EYS: variants seen among roughly 807,000 people sequenced by gnomAD.
EYS encodes the protein EGF-like photoreceptor maintenance factor.
In EYS, 250 loss-of-function variants were observed where a neutral mutation model predicts 282.1. That is an observed-to-expected ratio of 0.89 (90% CI 0.80 to 0.98). The LOEUF is 0.98. Among genes scored for constraint, EYS ranks in the 50% least tolerant of loss-of-function variants. The pLI is 0.00. For missense variants in EYS, 4,016 were observed against 3,709.0 expected (o/e 1.08, Z -2.15); for synonymous variants, 1,355 against 1,282.9 (o/e 1.06, Z -1.20).
chr6:65,170,212 A>G (rs749603935), intron 12 of EYS, among the ~76,000 whole-genome samples: 3 of 151,336 alleles, frequency 2.0e-5, no homozygotes, highest in Non-Finnish European at 4.4e-5. Context: ...ACAGATGCAC[A>G]CACGCGCGCG....
intron 2 of EYS, among the ~76,000 whole-genome samples, chr6:65,522,110 A>T (rs1220692920): frequency 6.6e-6 from 1 of 152,188 alleles, no homozygotes; most frequent in Non-Finnish European, 1.5e-5. Flanking sequence ...AAAAATATTT[A>T]GTATTTCTAA....
At chr6:65,044,296 TCATATG>T (rs1399176025) in intron 13 of EYS, among the ~76,000 whole-genome samples, 1 of 151,838 alleles carries the variant, frequency 6.6e-6, no homozygotes, top group African/African-American at 2.4e-5. Context: ...TAATTCCTTA[TCATATG>T]TACGGTTTGA....
intron 1 of EYS, among the ~76,000 whole-genome samples, chr6:65,674,532 C>G (rs1005973779): frequency 1.0e-4 from 14 of 139,100 alleles, no homozygotes; most frequent in African/African-American, 3.2e-4. Context: ...AAAACTAACA[C>G]AGGATTCCTC....
At chr6:64,016,023 T>C (rs1276804159) in intron 33 of EYS, among the ~76,000 whole-genome samples, 2 of 152,158 alleles carry the variant, frequency 1.3e-5, no homozygotes, top group East Asian at 3.8e-4. Context: ...TTTCTCCCAT[T>C]TTTGGCTTTT....
At chr6:64,902,361 G>T in intron 17 of EYS, 43 bp downstream of exon 17, 1 of 1,379,312 alleles carries the variant, frequency 7.2e-7, no homozygotes, top group Non-Finnish European at 1.0e-6. Flanking sequence ...TATACATCTA[G>T]ACACATAAAC....
intron 36 of EYS, among the ~76,000 whole-genome samples, chr6:63,824,089 A>G (rs745631152): frequency 5.3e-5 from 8 of 152,258 alleles, no homozygotes; most frequent in Non-Finnish European, 1.0e-4. Context: ...ATAAAGGAAG[A>G]TAGCATCCCA....
At chr6:64,078,904 T>C (rs1378559404) in intron 32 of EYS, among the ~76,000 whole-genome samples, 2 of 152,074 alleles carry the variant, frequency 1.3e-5, no homozygotes, top group Admixed American at 6.6e-5. Flanking sequence ...AGTGTTGGTA[T>C]GGACATGAGC....
chr6:64,506,779 A>G (rs1562031256), intron 26 of EYS, among the ~76,000 whole-genome samples: 1 of 151,802 alleles, frequency 6.6e-6, no homozygotes, highest in African/African-American at 2.4e-5. Context: ...TGTGGTGGCA[A>G]GCGGCTGTAG....
chr6:64,271,938 C>T (rs761526960), intron 30 of EYS, among the ~76,000 whole-genome samples: 3 of 152,150 alleles, frequency 2.0e-5, no homozygotes, highest in Non-Finnish European at 4.4e-5. Flanking sequence ...GTCCTGGTTT[C>T]AAGCGATTCT....
At chr6:64,066,190 A>C (rs938780890) in intron 33 of EYS, 148 bp downstream of exon 33, 2 of 610,616 alleles carry the variant, frequency 3.3e-6, no homozygotes, top group South Asian at 4.6e-5. Context: ...AGGCAGGAGA[A>C]TCGCTTGAAC....
At chr6:64,700,688 G>T (rs1385627799) in intron 22 of EYS, among the ~76,000 whole-genome samples, 1 of 151,736 alleles carries the variant, frequency 6.6e-6, no homozygotes, top group African/African-American at 2.4e-5. Flanking sequence ...ATCTCTATAA[G>T]GAAAATTACA....
chr6:65,642,147 CA>C (rs946849543), intron 1 of EYS, among the ~76,000 whole-genome samples: 3 of 151,696 alleles, frequency 2.0e-5, no homozygotes, highest in African/African-American at 7.3e-5. Context: ...AAAGCATGGC[CA>C]AAAAAGGATA....
At chr6:64,174,509 A>G (rs1339135628) in intron 31 of EYS, among the ~76,000 whole-genome samples, 3 of 151,790 alleles carry the variant, frequency 2.0e-5, no homozygotes, top group Non-Finnish European at 4.4e-5. Flanking sequence ...AAGCTCTAAA[A>G]TTAACAATTT....
intron 29 of EYS, among the ~76,000 whole-genome samples, chr6:64,308,339 C>T (rs1769538045): frequency 6.6e-6 from 1 of 151,972 alleles, no homozygotes; most frequent in Admixed American, 6.6e-5. Context: ...ACAAAAATAA[C>T]CTAATCATTA....
chr6:65,209,337 C>T (rs1229613761), intron 12 of EYS, among the ~76,000 whole-genome samples: 3 of 150,658 alleles, frequency 2.0e-5, no homozygotes, highest in Non-Finnish European at 4.4e-5. Flanking sequence ...TGAAAAAACT[C>T]CAAGCTTTCT....
chr6:64,111,402 C>T (rs1773200213), intron 31 of EYS, among the ~76,000 whole-genome samples: 1 of 151,900 alleles, frequency 6.6e-6, no homozygotes, highest in Non-Finnish European at 1.5e-5. Context: ...AAGAATTGGC[C>T]TTAATTAGTA....
chr6:64,915,159 TA>T (rs1354208246), intron 15 of EYS, among the ~76,000 whole-genome samples: 1 of 152,040 alleles, frequency 6.6e-6, no homozygotes, highest in Non-Finnish European at 1.5e-5. Context: ...ATTGAGTATC[TA>T]AAAAACAAAA....
intron 30 of EYS, among the ~76,000 whole-genome samples, chr6:64,290,837 A>G (rs1464608602): frequency 6.8e-6 from 1 of 147,638 alleles, no homozygotes; most frequent in East Asian, 2.0e-4. Context: ...AACTTTTTCC[A>G]TAAAGAGCCA....
intron 13 of EYS, among the ~76,000 whole-genome samples, chr6:65,037,187 T>C (rs1583422366): frequency 6.6e-6 from 1 of 152,024 alleles, no homozygotes; most frequent in East Asian, 1.9e-4. Context: ...GAGGCCATTA[T>C]CTTAATTGAA....
Sources: allele counts gnomAD v4.1 joint callset (sites outside exome capture counted in the v4.1 genomes callset), GRCh38; gene constraint gnomAD v4.1.1; transcripts MANE v1.5; gene names NCBI Gene and HGNC (gene_info 2026-07-23, HGNC 2026-07-21).